ACOT13: variants seen among roughly 807,000 people sequenced by gnomAD.
The protein encoded by ACOT13 is acyl-CoA thioesterase 13, also known as acyl-coenzyme A thioesterase 13.
In ACOT13, 10 loss-of-function variants were observed where a neutral mutation model predicts 11.8. The observed-to-expected ratio is 0.85, with a 90% CI of 0.53 to 1.44. The LOEUF (loss-of-function observed/expected upper bound fraction) is 1.44. Among genes scored for constraint, ACOT13 ranks in the 40% most tolerant of loss-of-function variants. The probability of loss-of-function intolerance (pLI) is 0.00; values close to 1 mark genes in which losing one functional copy is unlikely to be tolerated. For synonymous variants in ACOT13, 53 were observed against 61.0 expected (o/e 0.87, Z 0.61); for missense variants, 172 against 174.1 (o/e 0.99, Z 0.07).
At chr6:24,685,187 T>C (rs1467183421) in intron 1 of ACOT13, among the ~76,000 whole-genome samples, 2 of 152,170 alleles carry the variant, frequency 1.3e-5, no homozygotes, top group East Asian at 1.9e-4. Context: ...CCATTGTAGG[T>C]ACTTTGTATT....
intron 1 of ACOT13, among the ~76,000 whole-genome samples, chr6:24,693,537 G>T (rs137947302): frequency 2.8e-4 from 42 of 152,266 alleles, no homozygotes; most frequent in African/African-American, 8.9e-4. Flanking sequence ...TTGGTTCTCA[G>T]CTTCATAAAG....
chr6:24,671,230 A>T (rs12205123), intron 1 of ACOT13, among the ~76,000 whole-genome samples: 57,358 of 151,972 alleles, frequency 0.38, 12,213 homozygotes, highest in Non-Finnish European at 0.5. Context: ...CATCAATGAT[A>T]GACTGGATTA....
chr6:24,699,432 G>C (rs1016363670), intron 2 of ACOT13, among the ~76,000 whole-genome samples: 1 of 152,106 alleles, frequency 6.6e-6, no homozygotes, highest in Non-Finnish European at 1.5e-5. Context: ...GGCTGGTCTC[G>C]ATCTCCTCAC....
intron 1 of ACOT13, among the ~76,000 whole-genome samples, chr6:24,669,006 T>TCCAGGC (rs1778312542): frequency 6.6e-6 from 1 of 152,212 alleles, no homozygotes; most frequent in South Asian, 2.1e-4. Context: ...GAAACAGCCC[T>TCCAGGC]AGGTTCCCTG....
At chr6:24,700,425 CTTTTTTTTTTTTTT>C (rs34173572) in intron 2 of ACOT13, among the ~76,000 whole-genome samples, 5 of 105,140 alleles carry the variant, frequency 4.8e-5, no homozygotes, top group Non-Finnish European at 9.0e-5. Context: ...TAAGATCCAC[CTTTTTTTTTTTTTT>C]TTTTTTTTTT....
intron 1 of ACOT13, among the ~76,000 whole-genome samples, chr6:24,670,173 A>T (rs1011419878): frequency 1.1e-4 from 17 of 152,178 alleles, no homozygotes; most frequent in African/African-American, 3.9e-4. Context: ...TTGCTTTATT[A>T]TATTTGACCA....
chr6:24,678,814 TGGA>T (rs1778498647), intron 1 of ACOT13, among the ~76,000 whole-genome samples: 1 of 152,214 alleles, frequency 6.6e-6, no homozygotes, highest in South Asian at 2.1e-4. Context: ...GTGACAGATC[TGGA>T]GGACAGTTGT....
chr6:24,701,020 T>A (rs1182396148), intron 2 of ACOT13: 1 of 152,452 alleles, frequency 6.6e-6, no homozygotes, highest in African/African-American at 2.4e-5. Flanking sequence ...TCATCAAGAT[T>A]GTAAGGACAT....
intron 1 of ACOT13, among the ~76,000 whole-genome samples, chr6:24,681,924 G>T (rs973907715): frequency 6.6e-6 from 1 of 152,208 alleles, no homozygotes; most frequent in Non-Finnish European, 1.5e-5. Flanking sequence ...AGGTAGGGGC[G>T]CACCCATGGG....
intron 1 of ACOT13, among the ~76,000 whole-genome samples, chr6:24,676,493 G>A (rs557010167): frequency 2.0e-5 from 3 of 152,242 alleles, no homozygotes; most frequent in East Asian, 1.9e-4. Flanking sequence ...AAGCAATTGT[G>A]AATGGGAGTT....
At position 24,698,058 on chromosome 6, in the gene ACOT13, T is replaced by C. The variant is rs780932293; in HGVS notation, c.257T>C (p.Met86Thr). Residue 86 changes from methionine to threonine, a missense_variant, in exon 2 of 3, where the codon ATG becomes ACG. Transcript: ENST00000230048. ...ERGAPGVSVD[M>T]NITYMSPAKL... The stretch of plus-strand genomic sequence containing the variant: ...GGAGCACCCGGAGTCAGTGTCGATA[T>C]GAACATAACGTATGTATCCAAACTG... 3 of 1,606,618 alleles carry C rather than the reference T, an allele frequency of 1.9e-6. No homozygotes were observed. Among genetic ancestry groups the C allele is most frequent in the African/African-American group, 1.3e-5 (1 of 74,628 alleles).
At chr6:24,682,035 C>T (rs370479268) in intron 1 of ACOT13, among the ~76,000 whole-genome samples, 3 of 152,292 alleles carry the variant, frequency 2.0e-5, no homozygotes, top group African/African-American at 7.2e-5. Flanking sequence ...CCTCGGATTC[C>T]CCAAGAAAAT....
chr6:24,684,479 T>C (rs917368320), intron 1 of ACOT13, among the ~76,000 whole-genome samples: 1 of 152,154 alleles, frequency 6.6e-6, no homozygotes, highest in Non-Finnish European at 1.5e-5. Context: ...GGAATAGTCA[T>C]AAACTACATC....
At chr6:24,700,425 CTTTTTTTTTT>C (rs34173572) in intron 2 of ACOT13, among the ~76,000 whole-genome samples, 3 of 105,150 alleles carry the variant, frequency 2.9e-5, no homozygotes, top group East Asian at 3.3e-4. Flanking sequence ...TAAGATCCAC[CTTTTTTTTTT>C]TTTTTTTTTT....
Position 24,701,715 on chromosome 6 carries a change from G to A in ACOT13, c.*100G>A. The A allele has an allele frequency of 6.3e-6, 8 of 1,264,004 alleles. No homozygotes were observed. Among genetic ancestry groups the A allele is most frequent in the Non-Finnish European group, 8.6e-6 (8 of 935,374 alleles). 78.3% of individuals were successfully genotyped at this position (1,264,004 alleles called of 1,614,324 possible). ...TTGAAATAAACTAGCAAAACCAGAA[G>A]CAGCTAGAAATATTCTTGGAGGAAA... On this transcript the variant is annotated 3_prime_UTR_variant, in exon 3 of 3. Transcript: ENST00000230048.
chr6:24,702,552 G>C lies in ACOT13; in HGVS notation c.*937G>C, dbSNP rs1330724174. Reference sequence around the variant, plus strand: ...TACAAATTTAGGGGAAACACATGGAGACCACAGCAATGGCCAATCCTTAGC... The same window carrying C: ...TACAAATTTAGGGGAAACACATGGACACCACAGCAATGGCCAATCCTTAGC... On this transcript the variant is annotated 3_prime_UTR_variant, in exon 3 of 3. Transcript: ENST00000230048. 6.6e-6 allele frequency: 1 copy of C among 152,172 alleles called. No homozygotes were observed. The highest frequency in any genetic ancestry group is 1.5e-5 in the Non-Finnish European group (1 of 68,036). The allele number at this position is 152,172 out of a possible 1,614,324, so 9.4% of individuals were successfully genotyped here. A position where few individuals can be genotyped will look rare whatever the true frequency, so the allele number is the denominator to read the frequency against.
At chr6:24,670,189 T>C (rs1428796429) in intron 1 of ACOT13, among the ~76,000 whole-genome samples, 1 of 152,212 alleles carries the variant, frequency 6.6e-6, no homozygotes, top group Non-Finnish European at 1.5e-5. Context: ...GACCAGATTA[T>C]TTATATAAAG....
intron 2 of ACOT13, among the ~76,000 whole-genome samples, chr6:24,699,285 C>G (rs1362084537): frequency 6.7e-6 from 1 of 150,184 alleles, no homozygotes; most frequent in Non-Finnish European, 1.5e-5. Flanking sequence ...TCTCGGCTCA[C>G]TGCAAGCTCC....
intron 2 of ACOT13, among the ~76,000 whole-genome samples, chr6:24,699,334 C>G (rs866723102): frequency 2.6e-5 from 4 of 151,848 alleles, no homozygotes; most frequent in Non-Finnish European, 5.9e-5. Context: ...CTCAGCCTCC[C>G]GAGTAGCTGG....
Sources: gnomAD v4.1 joint callset for allele counts (sites outside exome capture counted in the v4.1 genomes callset) on GRCh38, gnomAD v4.1.1 for gene constraint, MANE v1.5 for transcripts, NCBI Gene and HGNC (gene_info 2026-07-23, HGNC 2026-07-21) for gene names.